MALRD1: variants seen among roughly 807,000 people sequenced by gnomAD.
MALRD1 encodes the protein MAM and LDL-receptor class A domain-containing protein 1.
In MALRD1, 247 loss-of-function variants were observed where a neutral mutation model predicts 242.1. The observed-to-expected ratio is 1.02, with a 90% confidence interval of 0.92 to 1.13. MALRD1 has a LOEUF of 1.13. Among genes scored for constraint, MALRD1 ranks in the 50% most tolerant of loss-of-function variants. MALRD1 has a pLI of 0.00. For missense variants in MALRD1, 2,989 were observed against 2,533.1 expected, an observed-to-expected ratio of 1.18 and a Z score of -3.86; for synonymous variants, 995 against 866.6, an observed-to-expected ratio of 1.15 and a Z score of -2.60.
intron 38 of MALRD1, among the ~76,000 whole-genome samples, chr10:19,719,191 C>T (rs377755942): frequency 0.011 from 374 of 33,334 alleles, 14 homozygotes; most frequent in African/African-American, 0.054. Flanking sequence ...TATATATATA[C>T]ATACATATAT....
intron 27 of MALRD1, 130 bp downstream of exon 27, chr10:19,387,903 A>T: frequency 8.4e-7 from 1 of 1,195,878 alleles, no homozygotes; most frequent in Non-Finnish European, 1.1e-6. Flanking sequence ...TCAAACATTT[A>T]GTGAGTGTTT....
chr10:19,709,265 A>C (rs1217511651), intron 38 of MALRD1, among the ~76,000 whole-genome samples: 2 of 117,976 alleles, frequency 1.7e-5, no homozygotes, highest in African/African-American at 6.0e-5. Flanking sequence ...AAAAAAAAAA[A>C]AAATACAAAA....
At chr10:19,354,311 G>T (rs1310333292) in intron 26 of MALRD1, among the ~76,000 whole-genome samples, 2 of 152,076 alleles carry the variant, frequency 1.3e-5, no homozygotes, top group African/African-American at 4.8e-5. Flanking sequence ...AATTTTTAAT[G>T]AATATAATTT....
intron 29 of MALRD1, among the ~76,000 whole-genome samples, chr10:19,454,438 A>G (rs2131061555): frequency 7.1e-6 from 1 of 141,036 alleles, no homozygotes; most frequent in South Asian, 2.2e-4. Context: ...ATATAATTAT[A>G]TGATACATAC....
intron 2 of MALRD1, among the ~76,000 whole-genome samples, chr10:19,073,348 G>A (rs1486161988): frequency 6.6e-6 from 1 of 152,052 alleles, no homozygotes; most frequent in African/African-American, 2.4e-5. Context: ...TAATGCAAAA[G>A]CTTTTATTAA....
At chr10:19,110,486 CA>C (rs1836638574) in intron 5 of MALRD1, among the ~76,000 whole-genome samples, 1 of 152,182 alleles carries the variant, frequency 6.6e-6, no homozygotes. Context: ...ACCCCTGCCT[CA>C]AACCTAGAAG....
chr10:19,643,230 G>C (rs891235183), intron 36 of MALRD1, among the ~76,000 whole-genome samples: 1 of 151,970 alleles, frequency 6.6e-6, no homozygotes, highest in Non-Finnish European at 1.5e-5. Context: ...TCGGGAGTTC[G>C]TGACCAGCCT....
chr10:19,148,787 AAATATATAT>A (rs1254745781), intron 11 of MALRD1, among the ~76,000 whole-genome samples: 9 of 85,008 alleles, frequency 1.1e-4, no homozygotes, highest in South Asian at 4.3e-4. Flanking sequence ...AAAAAAAAAA[AAATATATAT>A]ATATATATAT....
intron 36 of MALRD1, among the ~76,000 whole-genome samples, chr10:19,667,220 G>A (rs922103071): frequency 6.6e-6 from 1 of 152,110 alleles, no homozygotes; most frequent in Non-Finnish European, 1.5e-5. Context: ...GCTTTAGGAG[G>A]CTGAGGCGAA....
intron 32 of MALRD1, among the ~76,000 whole-genome samples, chr10:19,548,659 G>A (rs1298465943): frequency 1.3e-5 from 2 of 152,044 alleles, no homozygotes; most frequent in Non-Finnish European, 2.9e-5. Flanking sequence ...ATATAAAATG[G>A]TGAATATAAT....
rs578248299 is a variant in MALRD1 at position 19,414,474 on chromosome 10, G to T, written c.4845+24865G>T. On this transcript the variant is annotated intron_variant, in intron 28 of 39. Transcript: ENST00000454679. ...TAAAACTTAGGAAACTCAGGAAGAT[G>T]ATCAACCTAGTTTTGGAGAAGAAAA... is the stretch of plus-strand genomic sequence containing the variant. Among the ~76,000 whole-genome samples, 25 of 152,286 alleles carry T rather than the reference G, an allele frequency of 1.6e-4. 1 individual carries two copies. The South Asian group carries it at 2.7e-3, about 16-fold the overall frequency.
intron 19 of MALRD1, among the ~76,000 whole-genome samples, chr10:19,268,530 C>T (rs916112747): frequency 1.2e-4 from 18 of 152,060 alleles, no homozygotes; most frequent in East Asian, 5.8e-4. Flanking sequence ...GCTTCAAATA[C>T]GCTTTTAGAT....
chr10:19,161,434 CGTGGCACATGTATACAT>C (rs1834395945), intron 12 of MALRD1, among the ~76,000 whole-genome samples: 1 of 128,700 alleles, frequency 7.8e-6, no homozygotes, highest in Admixed American at 8.5e-5. Flanking sequence ...AGCGCACCAG[CGTGGCACATGTATACAT>C]ATGTAACTAA....
At chr10:19,329,617 T>C (rs1843280175) in intron 23 of MALRD1, among the ~76,000 whole-genome samples, 1 of 152,168 alleles carries the variant, frequency 6.6e-6, no homozygotes, top group Admixed American at 6.6e-5. Flanking sequence ...AGATGTTAGG[T>C]CTTTTGTTCT....
chr10:19,268,042 CTTAA>C (rs1840038288), intron 19 of MALRD1, among the ~76,000 whole-genome samples: 1 of 152,072 alleles, frequency 6.6e-6, no homozygotes, highest in Non-Finnish European at 1.5e-5. Flanking sequence ...CACATTCTCT[CTTAA>C]TTGAGAGAAA....
At chr10:19,267,461 A>G (rs1840017516) in intron 19 of MALRD1, among the ~76,000 whole-genome samples, 1 of 151,866 alleles carries the variant, frequency 6.6e-6, no homozygotes, top group South Asian at 2.1e-4. Flanking sequence ...AACTGGGTTG[A>G]TTACATTTTT....
intron 12 of MALRD1, among the ~76,000 whole-genome samples, chr10:19,161,716 A>G (rs574409055): frequency 7.2e-5 from 11 of 152,218 alleles, no homozygotes; most frequent in Admixed American, 4.6e-4. Flanking sequence ...TACTAGCTAC[A>G]TAGAGCTATT....
Position 19,676,595 on chromosome 10 carries a change from A to G in MALRD1, c.6138-15687A>G, listed in dbSNP as rs561584096. On this transcript the variant is annotated intron_variant, in intron 36 of 39. Transcript: ENST00000454679. ...CTCCCCATTATCTTGAATCAGGGAA[A>G]AGTATTGGATCCTGTTATCTTGTTT... is the stretch of plus-strand genomic sequence containing the variant. Among the ~76,000 whole-genome samples, 34 of 152,310 alleles carry G rather than the reference A, an allele frequency of 2.2e-4. No individual in the cohort carries two copies. The South Asian group carries it at 5.8e-3, about 26-fold the overall frequency.
At chr10:19,636,246 C>G (rs1169684381) in intron 36 of MALRD1, among the ~76,000 whole-genome samples, 2 of 152,054 alleles carry the variant, frequency 1.3e-5, no homozygotes, top group Non-Finnish European at 2.9e-5. Context: ...TAAACTAGTT[C>G]TATTAAGACA....
Sources: allele counts gnomAD v4.1 joint callset (sites outside exome capture counted in the v4.1 genomes callset), GRCh38; gene constraint gnomAD v4.1.1; transcripts MANE v1.5; gene names NCBI Gene and HGNC (gene_info 2026-07-23, HGNC 2026-07-21).